TMEM232: variants seen among roughly 807,000 people sequenced by gnomAD.
TMEM232 encodes transmembrane protein 232.
A neutral mutation model predicts 78.8 loss-of-function variants in TMEM232; 80 were observed. The observed-to-expected ratio is 1.01, with a 90% confidence interval of 0.85 to 1.22. TMEM232 has a LOEUF of 1.22. Among genes scored for constraint, TMEM232 ranks in the 50% most tolerant of loss-of-function variants. TMEM232 has a pLI of 0.00. For missense variants in TMEM232, 881 were observed against 742.2 expected (o/e 1.19, Z -2.17); for synonymous variants, 297 against 254.3 (o/e 1.17, Z -1.60).
intron 5 of TMEM232, among the ~76,000 whole-genome samples, chr5:110,632,699 G>GA (rs1365532929): frequency 1.3e-5 from 2 of 151,426 alleles, no homozygotes; most frequent in African/African-American, 4.9e-5. Context: ...ATAACTTGGA[G>GA]AAAAACAAAG....
chr5:110,438,748 G>A (rs1318008529), intron 12 of TMEM232, among the ~76,000 whole-genome samples: 1 of 151,964 alleles, frequency 6.6e-6, no homozygotes, highest in East Asian at 1.9e-4. Context: ...GTTCAAAAAC[G>A]ACAGTTTATC....
intron 12 of TMEM232, among the ~76,000 whole-genome samples, chr5:110,492,044 G>A (rs1328456998): frequency 6.6e-6 from 1 of 151,222 alleles, no homozygotes; most frequent in Non-Finnish European, 1.5e-5. Context: ...CAGCAAACAT[G>A]CAAAAAAAAC....
intron 1 of TMEM232, among the ~76,000 whole-genome samples, chr5:110,695,938 C>T (rs925842141): frequency 8.5e-5 from 13 of 152,152 alleles, no homozygotes; most frequent in African/African-American, 2.7e-4. Flanking sequence ...AGGGAATCCT[C>T]CCTAACTCAT....
intron 12 of TMEM232, among the ~76,000 whole-genome samples, chr5:110,431,358 T>C (rs1757821774): frequency 6.6e-6 from 1 of 151,252 alleles, no homozygotes; most frequent in South Asian, 2.1e-4. Flanking sequence ...TCTGGCGTTA[T>C]GTTTGAATCA....
At chr5:110,482,304 G>T (rs931023257) in intron 12 of TMEM232, among the ~76,000 whole-genome samples, 2 of 152,068 alleles carry the variant, frequency 1.3e-5, no homozygotes, top group African/African-American at 4.8e-5. Context: ...AATTTGGCCT[G>T]GCATCGTGGC....
At chr5:110,616,964 A>T (rs1170516015) in intron 8 of TMEM232, among the ~76,000 whole-genome samples, 2 of 152,338 alleles carry the variant, frequency 1.3e-5, no homozygotes, top group East Asian at 3.9e-4. Flanking sequence ...TATGTTGAAG[A>T]GATAACTGAA....
chr5:110,392,092 A>C (rs1280580107), intron 3 of TMEM232, among the ~76,000 whole-genome samples: 1 of 152,202 alleles, frequency 6.6e-6, no homozygotes, highest in Non-Finnish European at 1.5e-5. Context: ...TGGTATTGCT[A>C]TTGCAGAAGT....
intron 2 of TMEM232, among the ~76,000 whole-genome samples, chr5:110,403,836 G>T (rs901937422): frequency 6.6e-6 from 1 of 151,972 alleles, no homozygotes; most frequent in African/African-American, 2.4e-5. Flanking sequence ...GTGGGGTGGG[G>T]TGGGGAGCAA....
At chr5:110,430,825 G>C (rs1244675755) in intron 12 of TMEM232, among the ~76,000 whole-genome samples, 2 of 151,748 alleles carry the variant, frequency 1.3e-5, no homozygotes, top group Admixed American at 6.6e-5. Context: ...AATGCTATGA[G>C]AGCCAAAGAT....
intron 10 of TMEM232, among the ~76,000 whole-genome samples, chr5:110,593,477 G>A (rs1209769275): frequency 2.0e-5 from 3 of 152,134 alleles, no homozygotes; most frequent in Non-Finnish European, 4.4e-5. Flanking sequence ...TTCATCTGTT[G>A]AGAGACACTT....
At chr5:110,501,519 A>C (rs1354664075) in intron 12 of TMEM232, among the ~76,000 whole-genome samples, 1 of 152,164 alleles carries the variant, frequency 6.6e-6, no homozygotes, top group Non-Finnish European at 1.5e-5. Context: ...TTTTCAGGAG[A>C]CAAATTTATT....
At chr5:110,464,741 C>A (rs534881991) in intron 12 of TMEM232, among the ~76,000 whole-genome samples, 1 of 152,228 alleles carries the variant, frequency 6.6e-6, no homozygotes, top group Non-Finnish European at 1.5e-5. Flanking sequence ...TAGGATAATA[C>A]GAATCACCAT....
intron 7 of TMEM232, among the ~76,000 whole-genome samples, chr5:110,620,965 C>G (rs190581138): frequency 4.0e-4 from 58 of 145,260 alleles, no homozygotes; most frequent in African/African-American, 1.4e-3. Context: ...TGGGTTCAGG[C>G]AATTCTCCTG....
intron 2 of TMEM232, among the ~76,000 whole-genome samples, chr5:110,643,517 G>A (rs563153827): frequency 5.5e-4 from 83 of 152,122 alleles, no homozygotes; most frequent in Non-Finnish European, 8.8e-4. Flanking sequence ...TGACAATAAG[G>A]ATGTACCACA....
chr5:110,734,562 G>C (rs1253691401), intron 2 of TMEM232, among the ~76,000 whole-genome samples: 1 of 152,194 alleles, frequency 6.6e-6, no homozygotes, highest in Non-Finnish European at 1.5e-5. Flanking sequence ...ACCATCTTCT[G>C]AACATAAATG....
upstream of TMEM232, among the ~76,000 whole-genome samples, chr5:110,727,595 C>T (rs1257588613): frequency 1.3e-5 from 2 of 151,676 alleles, no homozygotes; most frequent in Non-Finnish European, 2.9e-5. Context: ...GGAAACAGAG[C>T]GAGATTCCAT....
chr5:110,620,236 A>G (rs1783459832), intron 7 of TMEM232, among the ~76,000 whole-genome samples: 1 of 152,204 alleles, frequency 6.6e-6, no homozygotes. Context: ...ACATACTATT[A>G]CAAGCTGGTC....
chr5:110,661,303 GA>G (rs1456717924), intron 2 of TMEM232, among the ~76,000 whole-genome samples: 6 of 152,100 alleles, frequency 3.9e-5, no homozygotes, highest in Non-Finnish European at 7.4e-5. Context: ...TGAGAGGACA[GA>G]TATCTCTTTT....
Position 110,587,053 on chromosome 5 carries a change from G to A in TMEM232, c.1276+18056C>T, listed in dbSNP as rs554824031. On this transcript the variant is annotated intron_variant, in intron 10 of 13. Coordinates refer to ENST00000455884, the MANE Select transcript of TMEM232 (RefSeq NM_001039763.4). ...AGAAATTAATAATAAAGCAGTATTA[G>A]ACAAATGTAACTAAAATCATTCAGT... is the stretch of plus-strand genomic sequence containing the variant. Among the ~76,000 whole-genome samples, 4 of 152,200 alleles carry A rather than the reference G, an allele frequency of 2.6e-5. No homozygotes were observed. In the South Asian group the frequency reaches 8.3e-4, roughly 32 times the overall value.
Sources: allele counts gnomAD v4.1 joint callset (sites outside exome capture counted in the v4.1 genomes callset), GRCh38; gene constraint gnomAD v4.1.1; transcripts MANE v1.5; gene names NCBI Gene and HGNC (gene_info 2026-07-23, HGNC 2026-07-21).